AGBL1: variants seen among roughly 807,000 people sequenced by gnomAD.
AGBL1 encodes AGBL carboxypeptidase 1.
AGBL1 carries 130 observed loss-of-function variants against 118.9 expected under a neutral mutation model. That is an observed-to-expected ratio of 1.09 (90% confidence interval 0.95 to 1.26). The LOEUF (loss-of-function observed/expected upper bound fraction) is 1.26. Among genes scored for constraint, AGBL1 ranks in the 50% most tolerant of loss-of-function variants. The pLI, the probability that AGBL1 is intolerant of heterozygous loss-of-function variation, is 0.00. For missense variants in AGBL1, 1,584 were observed against 1,298.1 expected (o/e 1.22, Z -3.38); for synonymous variants, 555 against 478.9 (o/e 1.16, Z -2.08).
At position 86,111,827 on chromosome 15, in the gene AGBL1, G is replaced by C. The variant is rs139404690; in HGVS notation, c.52-30177G>C. Reference sequence around the variant, plus strand: ...GCCACACAGCAGGAGGTGAGCAGTAGGCAAGTAAGCAAAGCTTCATCTGTA... The same window carrying C: ...GCCACACAGCAGGAGGTGAGCAGTACGCAAGTAAGCAAAGCTTCATCTGTA... On this transcript the variant is annotated intron_variant, in intron 1 of 22. Transcript: ENST00000614907. Among the ~76,000 whole-genome samples, 151 of 152,284 alleles carry C rather than the reference G, an allele frequency of 9.9e-4. 1 individual carries two copies. Among genetic ancestry groups the C allele is most frequent in the African/African-American group, 3.4e-3 (143 of 41,560 alleles).
chr15:86,936,698 T>A (rs2080680178), intron 23 of AGBL1, among the ~76,000 whole-genome samples: 1 of 151,916 alleles, frequency 6.6e-6, no homozygotes, highest in Non-Finnish European at 1.5e-5. Flanking sequence ...CTGTAAAAAA[T>A]CCTGGAAGAC....
At chr15:86,169,712 A>T (rs2077389133) in intron 5 of AGBL1, among the ~76,000 whole-genome samples, 1 of 152,252 alleles carries the variant, frequency 6.6e-6, no homozygotes, top group Non-Finnish European at 1.5e-5. Context: ...ATCTGTTCAT[A>T]TTCAGCACAG....
At chr15:86,289,042 T>G (rs2079502690) in intron 16 of AGBL1, among the ~76,000 whole-genome samples, 1 of 152,162 alleles carries the variant, frequency 6.6e-6, no homozygotes, top group East Asian at 1.9e-4. Flanking sequence ...AGTTTCAATA[T>G]TTCTCCTTTA....
chr15:86,714,278 C>T (rs571608126), intron 22 of AGBL1, among the ~76,000 whole-genome samples: 195 of 152,238 alleles, frequency 1.3e-3, no homozygotes, highest in African/African-American at 4.4e-3. Flanking sequence ...GAGTTCAAGG[C>T]TCAGGTGATA....
chr15:86,676,584 T>G (rs1329586209), intron 22 of AGBL1, among the ~76,000 whole-genome samples: 1 of 152,148 alleles, frequency 6.6e-6, no homozygotes, highest in African/African-American at 2.4e-5. Context: ...TTTGTTAGTA[T>G]CAGGATTCTT....
intron 1 of AGBL1, among the ~76,000 whole-genome samples, chr15:86,087,755 A>C (rs1895760413): frequency 6.6e-6 from 1 of 152,198 alleles, no homozygotes; most frequent in African/African-American, 2.4e-5. Flanking sequence ...GCATAGCTGG[A>C]ATTTGAGCAG....
intron 22 of AGBL1, among the ~76,000 whole-genome samples, chr15:86,763,245 G>C (rs1312532351): frequency 6.6e-6 from 1 of 151,954 alleles, no homozygotes; most frequent in African/African-American, 2.4e-5. Context: ...ACACTCAGAA[G>C]ATGGCTCATG....
intron 19 of AGBL1, among the ~76,000 whole-genome samples, chr15:86,536,989 T>C (rs147854135): frequency 9.9e-4 from 150 of 152,284 alleles, no homozygotes; most frequent in African/African-American, 3.3e-3. Context: ...GCCAAGGGCA[T>C]TGGGCGTAGG....
At chr15:86,721,148 A>G (rs934665920) in intron 22 of AGBL1, among the ~76,000 whole-genome samples, 5 of 152,222 alleles carry the variant, frequency 3.3e-5, no homozygotes, top group Non-Finnish European at 7.3e-5. Context: ...AACTCATTTA[A>G]TGAGGCCAGC....
chr15:86,302,671 T>C (rs1163817296), intron 17 of AGBL1, among the ~76,000 whole-genome samples: 1 of 150,704 alleles, frequency 6.6e-6, no homozygotes, highest in Non-Finnish European at 1.5e-5. Context: ...CCCAGCTACT[T>C]AGGTGGCTGA....
intron 1 of AGBL1, among the ~76,000 whole-genome samples, chr15:86,097,666 T>C (rs895069941): frequency 6.6e-6 from 1 of 152,154 alleles, no homozygotes; most frequent in African/African-American, 2.4e-5. Flanking sequence ...AATTTCATTC[T>C]TTTTTATGGC....
intron 1 of AGBL1, among the ~76,000 whole-genome samples, chr15:86,100,358 G>A (rs1248365040): frequency 6.6e-6 from 1 of 152,110 alleles, no homozygotes; most frequent in African/African-American, 2.4e-5. Flanking sequence ...GAATTAGGGA[G>A]AATTCTCACC....
At chr15:86,122,154 G>T (rs931406467) in intron 1 of AGBL1, among the ~76,000 whole-genome samples, 29 of 152,188 alleles carry the variant, frequency 1.9e-4, no homozygotes, top group African/African-American at 7.0e-4. Flanking sequence ...ATGGAAAATA[G>T]TCATTGGAGC....
intron 24 of AGBL1, among the ~76,000 whole-genome samples, chr15:87,018,353 A>T (rs2081628554): frequency 6.6e-6 from 1 of 152,060 alleles, no homozygotes; most frequent in Non-Finnish European, 1.5e-5. Context: ...AAATTATTAA[A>T]TGCATCCAGA....
chr15:86,301,540 CTT>C, intron 17 of AGBL1, among the ~76,000 whole-genome samples: 1 of 151,726 alleles, frequency 6.6e-6, no homozygotes, highest in East Asian at 1.9e-4. Context: ...CTTTTCTTGT[CTT>C]GGGATTTCCA....
At chr15:86,593,395 A>G (rs2084364674) in intron 21 of AGBL1, among the ~76,000 whole-genome samples, 1 of 151,936 alleles carries the variant, frequency 6.6e-6, no homozygotes, top group Non-Finnish European at 1.5e-5. Context: ...CCTAGGAGAT[A>G]GGAGATACAG....
intron 22 of AGBL1, among the ~76,000 whole-genome samples, chr15:86,790,413 T>A (rs565353889): frequency 1.7e-4 from 26 of 152,036 alleles, no homozygotes; most frequent in African/African-American, 4.8e-4. Context: ...TATCTTTTTT[T>A]AAAAAAACTT....
intron 14 of AGBL1, among the ~76,000 whole-genome samples, chr15:86,270,918 A>ATTTCC (rs2079149520): frequency 6.6e-6 from 1 of 151,596 alleles, no homozygotes. Flanking sequence ...GGGAAACTCC[A>ATTTCC]TTTCCTTTCC....
At chr15:86,213,797 A>C (rs1412108907) in intron 5 of AGBL1, among the ~76,000 whole-genome samples, 1 of 152,180 alleles carries the variant, frequency 6.6e-6, no homozygotes, top group East Asian at 1.9e-4. Flanking sequence ...AAACCTTTTA[A>C]AGTGTACAAT....
Sources: gnomAD v4.1 joint callset for allele counts (sites outside exome capture counted in the v4.1 genomes callset) on GRCh38, gnomAD v4.1.1 for gene constraint, MANE v1.5 for transcripts, NCBI Gene and HGNC (gene_info 2026-07-23, HGNC 2026-07-21) for gene names.